DMD: variants seen among roughly 807,000 people sequenced by gnomAD.
The protein encoded by DMD is mutant dystrophin.
DMD carries 63 observed loss-of-function variants against 330.1 expected under a neutral mutation model. That is an observed-to-expected ratio of 0.19 (90% confidence interval 0.16 to 0.24). The LOEUF is 0.24. DMD is among the 10% of genes least tolerant of loss of function. The pLI is 1.00. For missense variants in DMD, 3,344 were observed against 2,684.1 expected (o/e 1.25, Z -5.43); for synonymous variants, 1,223 against 959.8 (o/e 1.27, Z -5.07).
chrX:31,201,309 G>A (rs749319724), intron 67 of DMD, among the ~76,000 whole-genome samples: 3 of 112,396 alleles, frequency 2.7e-5, no homozygotes, highest in Admixed American at 1.9e-4. Flanking sequence ...AGAGGTCGAG[G>A]CTGCAATGAG....
intron 16 of DMD, 96 bp downstream of exon 16, chrX:32,565,606 T>C: frequency 1.1e-6 from 1 of 889,085 alleles, no homozygotes; most frequent in Non-Finnish European, 1.6e-6. Context: ...AAAACTAATC[T>C]GGTTGCTTCT....
intron 7 of DMD, among the ~76,000 whole-genome samples, chrX:32,779,961 T>A (rs2074553886): frequency 8.9e-6 from 1 of 112,058 alleles, no homozygotes; most frequent in African/African-American, 3.2e-5. Context: ...TATACTTTAA[T>A]TATGTGGTCA....
At chrX:32,141,288 T>TA (rs985892353) in intron 44 of DMD, among the ~76,000 whole-genome samples, 3 of 96,658 alleles carry the variant, frequency 3.1e-5, no homozygotes, top group East Asian at 3.2e-4. Flanking sequence ...AAAAAACAAA[T>TA]AGCCTGGCGT....
intron 2 of DMD, among the ~76,000 whole-genome samples, chrX:32,897,753 T>G (rs1032202510): frequency 2.7e-5 from 3 of 112,093 alleles, no homozygotes; most frequent in African/African-American, 9.7e-5. Flanking sequence ...GTGTTCATAC[T>G]ATTAAGAAGA....
chrX:31,469,575 T>G (rs1018388440), intron 59 of DMD, among the ~76,000 whole-genome samples: 8 of 111,908 alleles, frequency 7.1e-5, no homozygotes, highest in Non-Finnish European at 1.9e-5. Context: ...TGGGGTAGCC[T>G]GACCTTTCTC....
At chrX:31,460,245 ATCATCTCTATT>A (rs760348892) in intron 59 of DMD, among the ~76,000 whole-genome samples, 4 of 111,246 alleles carry the variant, frequency 3.6e-5, no homozygotes, top group African/African-American at 9.8e-5. Context: ...TTGATCCCAC[ATCATCTCTATT>A]TCATCTCTAT....
At chrX:31,405,670 G>A (rs548857020) in intron 60 of DMD, among the ~76,000 whole-genome samples, 1 of 111,702 alleles carries the variant, frequency 9.0e-6, no homozygotes, top group African/African-American at 3.2e-5. Flanking sequence ...CTGTTTAGCC[G>A]AAGTTCAGAA....
intron 44 of DMD, among the ~76,000 whole-genome samples, chrX:31,981,145 C>G (rs2095473432): frequency 9.0e-6 from 1 of 111,579 alleles, no homozygotes; most frequent in Non-Finnish European, 1.9e-5. Flanking sequence ...CCCTTTTATC[C>G]CCACACACAA....
chrX:32,824,950 AG>A (rs1431788233), intron 4 of DMD, among the ~76,000 whole-genome samples: 2 of 111,877 alleles, frequency 1.8e-5, no homozygotes, highest in African/African-American at 6.5e-5. Flanking sequence ...ATGGCAGTAG[AG>A]GAGAGAAATT....
chrX:33,012,521 C>T (rs375297342), intron 2 of DMD, among the ~76,000 whole-genome samples: 4 of 111,635 alleles, frequency 3.6e-5, no homozygotes, highest in South Asian at 3.6e-4. Context: ...CTCACCAAAA[C>T]GCAGTATGTA....
intron 44 of DMD, among the ~76,000 whole-genome samples, chrX:32,092,448 TG>T (rs1303867871): frequency 1.8e-5 from 2 of 111,827 alleles, no homozygotes; most frequent in Non-Finnish European, 3.8e-5. Context: ...AATTTTTATT[TG>T]AAACACCACC....
intron 76 of DMD, among the ~76,000 whole-genome samples, chrX:31,142,415 A>G (rs1382315387): frequency 8.9e-6 from 1 of 112,271 alleles, no homozygotes; most frequent in Non-Finnish European, 1.9e-5. Flanking sequence ...GTTAACATAC[A>G]GATATACATG....
At chrX:31,129,247 CACTG>C (rs1016342099) in intron 77 of DMD, among the ~76,000 whole-genome samples, 4 of 111,941 alleles carry the variant, frequency 3.6e-5, no homozygotes, top group African/African-American at 1.3e-4. Flanking sequence ...TATATTAATT[CACTG>C]ACTATTTAAA....
chrX:32,178,210 T>A (rs868304411), intron 44 of DMD, among the ~76,000 whole-genome samples: 1,212 of 101,956 alleles, frequency 0.012, 14 homozygotes, highest in African/African-American at 0.038. Context: ...TTTTTTTTTT[T>A]ACAACTAATG....
intron 36 of DMD, among the ~76,000 whole-genome samples, chrX:32,364,213 T>A (rs1224744102): frequency 1.8e-5 from 2 of 112,371 alleles, no homozygotes; most frequent in Non-Finnish European, 3.8e-5. Flanking sequence ...AGGTGTTCAT[T>A]CAGATGGGCT....
intron 60 of DMD, among the ~76,000 whole-genome samples, chrX:31,408,842 T>A (rs991872496): frequency 4.7e-4 from 53 of 112,246 alleles, no homozygotes; most frequent in African/African-American, 1.7e-3. Context: ...CGTGCAGGTT[T>A]GTTACATATG....
At chrX:32,616,957 TG>T (rs1267821554) in intron 11 of DMD, among the ~76,000 whole-genome samples, 1 of 109,944 alleles carries the variant, frequency 9.1e-6, no homozygotes, top group African/African-American at 3.3e-5. Context: ...AACTTTTTTT[TG>T]AACTACCTCT....
intron 44 of DMD, among the ~76,000 whole-genome samples, chrX:32,156,604 T>A (rs1165599465): frequency 1.9e-5 from 2 of 105,421 alleles, no homozygotes; most frequent in Non-Finnish European, 3.9e-5. Flanking sequence ...TGTGTGTGTA[T>A]ACGTATACTT....
chrX:32,019,769 C>T (rs2095794088), intron 44 of DMD, among the ~76,000 whole-genome samples: 1 of 112,411 alleles, frequency 8.9e-6, no homozygotes, highest in African/African-American at 3.2e-5. Flanking sequence ...TGTCATTCTA[C>T]TTTTTGAAAA....
Sources: allele counts gnomAD v4.1 joint callset (sites outside exome capture counted in the v4.1 genomes callset), GRCh38; gene constraint gnomAD v4.1.1; transcripts MANE v1.5; gene names NCBI Gene and HGNC (gene_info 2026-07-23, HGNC 2026-07-21).